Variants in OTUD7A observed in about 807,000 individuals in gnomAD.
OTUD7A encodes the protein OTU domain-containing protein 7A.
A neutral mutation model predicts 65.7 loss-of-function variants in OTUD7A; 12 were observed. That is an observed-to-expected ratio of 0.18 (90% CI 0.12 to 0.30). OTUD7A has a LOEUF of 0.30. Among genes scored for constraint, OTUD7A ranks in the 10% least tolerant of loss-of-function variants. The pLI, the probability that OTUD7A is intolerant of heterozygous loss-of-function variation, is 1.00. For synonymous variants in OTUD7A, 641 were observed against 586.3 expected (o/e 1.09, Z -1.35); for missense variants, 1,148 against 1,304.8 (o/e 0.88, Z 1.85).
chr15:31,501,935 C>A (rs1190372456), intron 9 of OTUD7A, 96 bp from the exon 10 acceptor site: 10 of 1,379,362 alleles, frequency 7.2e-6, no homozygotes, highest in Non-Finnish European at 9.9e-6. Context: ...CCCGGGGGGA[C>A]TCCGTGGAGA....
rs538641470 is a variant in OTUD7A at position 31,648,226 on chromosome 15, T to G, written c.151+6870A>C. On this transcript the variant is annotated intron_variant, in intron 3 of 12. Coordinates refer to ENST00000307050, the MANE Select transcript of OTUD7A (RefSeq NM_001382637.1). ...CATGGAAATAAAAGGAAATCTTGAG[T>G]TCCTTCAAAGGCATTTCCAGGTACC... 1.8e-3 allele frequency among the ~76,000 whole-genome samples: 273 copies of G among 151,976 alleles called. 1 individual carries two copies. The highest frequency in any genetic ancestry group is 6.2e-3 in the African/African-American group (256 of 41,426).
intron 3 of OTUD7A, among the ~76,000 whole-genome samples, chr15:31,598,936 G>T (rs989804303): frequency 6.6e-6 from 1 of 152,114 alleles, no homozygotes; most frequent in South Asian, 2.1e-4. Flanking sequence ...CAAGGCCGCC[G>T]TGGCCAGACT....
intron 1 of OTUD7A, among the ~76,000 whole-genome samples, chr15:31,736,011 G>A (rs1000279720): frequency 2.6e-5 from 4 of 152,144 alleles, no homozygotes; most frequent in African/African-American, 9.7e-5. Context: ...GCTAAATGAT[G>A]AGAATACATG....
At chr15:31,693,237 G>C (rs1468991373) in intron 1 of OTUD7A, among the ~76,000 whole-genome samples, 1 of 152,228 alleles carries the variant, frequency 6.6e-6, no homozygotes, top group Non-Finnish European at 1.5e-5. Flanking sequence ...GAAATAAAGA[G>C]GAGAGTCTCT....
chr15:31,698,539 C>G (rs930262994), intron 1 of OTUD7A, among the ~76,000 whole-genome samples: 1 of 152,082 alleles, frequency 6.6e-6, no homozygotes, highest in African/African-American at 2.4e-5. Context: ...GGGGGCACTG[C>G]CCAGCAAGCT....
intron 3 of OTUD7A, among the ~76,000 whole-genome samples, chr15:31,649,229 C>G (rs5008847): frequency 2.6e-5 from 4 of 152,172 alleles, no homozygotes; most frequent in African/African-American, 7.2e-5. Flanking sequence ...CCAGACCCAA[C>G]TTTGATCTGG....
At chr15:31,631,448 C>A (rs1053497315) in intron 3 of OTUD7A, among the ~76,000 whole-genome samples, 1 of 152,136 alleles carries the variant, frequency 6.6e-6, no homozygotes, top group South Asian at 2.1e-4. Flanking sequence ...GAGTTTCTGC[C>A]GTGAGATCAG....
intron 3 of OTUD7A, among the ~76,000 whole-genome samples, chr15:31,653,433 A>G (rs920067999): frequency 3.9e-5 from 6 of 152,072 alleles, no homozygotes; most frequent in African/African-American, 1.4e-4. Flanking sequence ...CTCAGCAACA[A>G]AAAGGAACCG....
At chr15:31,784,205 G>A (rs1305135122) in intron 1 of OTUD7A, among the ~76,000 whole-genome samples, 1 of 152,166 alleles carries the variant, frequency 6.6e-6, no homozygotes, top group Non-Finnish European at 1.5e-5. Context: ...GATTCCATGT[G>A]GCAACTAATT....
intron 1 of OTUD7A, among the ~76,000 whole-genome samples, chr15:31,743,187 G>A (rs1480235153): frequency 6.6e-6 from 1 of 151,922 alleles, no homozygotes; most frequent in African/African-American, 2.4e-5. Flanking sequence ...ATATCTTGGT[G>A]AAAAAGCCAT....
intron 1 of OTUD7A, among the ~76,000 whole-genome samples, chr15:31,817,856 TC>T (rs976419654): frequency 6.6e-6 from 1 of 152,204 alleles, no homozygotes; most frequent in Non-Finnish European, 1.5e-5. Context: ...TATGTGTCCT[TC>T]CAACATTCGT....
At chr15:31,839,112 G>A (rs62002737) in intron 1 of OTUD7A, among the ~76,000 whole-genome samples, 1 of 151,432 alleles carries the variant, frequency 6.6e-6, no homozygotes, top group African/African-American at 2.4e-5. Context: ...GGCCAGGTGA[G>A]CCCTGGCCTC....
chr15:31,609,608 C>T (rs1890337249), intron 3 of OTUD7A, among the ~76,000 whole-genome samples: 1 of 152,082 alleles, frequency 6.6e-6, no homozygotes. Flanking sequence ...CCTAGCCCTG[C>T]CCCCCATTGA....
chr15:31,669,610 G>A (rs778284335), intron 1 of OTUD7A, among the ~76,000 whole-genome samples: 5 of 152,190 alleles, frequency 3.3e-5, no homozygotes, highest in Admixed American at 6.5e-5. Context: ...TTCTACCCCC[G>A]CCTGTGGAGA....
intron 1 of OTUD7A, among the ~76,000 whole-genome samples, chr15:31,798,572 G>C (rs1397567650): frequency 6.6e-6 from 1 of 152,232 alleles, no homozygotes; most frequent in Non-Finnish European, 1.5e-5. Flanking sequence ...GCCTGACAGT[G>C]AATTTCCCCT....
chr15:31,767,278 C>T, intron 1 of OTUD7A: 1 of 846,092 alleles, frequency 1.2e-6, no homozygotes, highest in Non-Finnish European at 2.0e-6. Flanking sequence ...CAAACAACTA[C>T]CACGAAATGA....
At chr15:31,616,376 C>T (rs1169080776) in intron 3 of OTUD7A, among the ~76,000 whole-genome samples, 1 of 152,174 alleles carries the variant, frequency 6.6e-6, no homozygotes, top group Non-Finnish European at 1.5e-5. Flanking sequence ...AAAATCCTTA[C>T]ATGCTGAGGA....
chr15:31,766,117 A>T (rs1471244110), intron 1 of OTUD7A: 9 of 1,440,290 alleles, frequency 6.2e-6, no homozygotes, highest in Non-Finnish European at 8.8e-6. Flanking sequence ...GCAGTCTGCA[A>T]GTAAGAGGGT....
At chr15:31,756,627 AACACACAC>A (rs56792926) in intron 1 of OTUD7A, among the ~76,000 whole-genome samples, 12,876 of 138,032 alleles carry the variant, frequency 0.093, 756 homozygotes, top group African/African-American at 0.12. Context: ...CAGTGTACCC[AACACACAC>A]ACACACACAC....
Sources: allele counts gnomAD v4.1 joint callset (sites outside exome capture counted in the v4.1 genomes callset), GRCh38; gene constraint gnomAD v4.1.1; transcripts MANE v1.5; gene names NCBI Gene and HGNC (gene_info 2026-07-23, HGNC 2026-07-21).